FHIT: variants seen among roughly 807,000 people sequenced by gnomAD.
The protein encoded by FHIT is fragile histidine triad diadenosine triphosphatase.
In FHIT, 19 loss-of-function variants were observed where a neutral mutation model predicts 17.9. The observed-to-expected ratio is 1.06, with a 90% CI of 0.74 to 1.56. The LOEUF (loss-of-function observed/expected upper bound fraction) is 1.56, where lower values mean the gene tolerates loss of function less well. FHIT is among the 40% of genes most tolerant of loss of function. The pLI is 0.00. For synonymous variants in FHIT, 81 were observed against 69.7 expected, an observed-to-expected ratio of 1.16 and a Z score of -0.81; for missense variants, 248 against 189.2, an observed-to-expected ratio of 1.31 and a Z score of -1.82.
At position 60,213,803 on chromosome 3, in the gene FHIT, T is replaced by C. The variant is rs563710171; in HGVS notation, c.104-199651A>G. Among the ~76,000 whole-genome samples, 5 of 152,308 alleles carry C rather than the reference T, an allele frequency of 3.3e-5. No homozygotes were observed. In the East Asian group the frequency reaches 9.6e-4, roughly 29 times the overall value. On this transcript the variant is annotated intron_variant, in intron 5 of 9. Transcript: ENST00000492590. ...TGATTGTGATCACCTAATTAGCAGA[T>C]GAAAACTATTCAGAGTATCAGGAGC...
chr3:60,616,464 T>C lies in FHIT; in HGVS notation c.-17-79485A>G, dbSNP rs190608252. On this transcript the variant is annotated intron_variant, in intron 4 of 9. Coordinates refer to ENST00000492590, the MANE Select transcript of FHIT (RefSeq NM_002012.4). ...TTTAATTATACAAGTAATACACTTCTAGAACTAATAAGCAATCATAGCAAG... is the reference window on the plus strand; with the variant it reads ...TTTAATTATACAAGTAATACACTTCCAGAACTAATAAGCAATCATAGCAAG... Among the ~76,000 whole-genome samples, 57 of 152,346 alleles carry C rather than the reference T, an allele frequency of 3.7e-4. No homozygotes were observed. The East Asian group carries it at 8.5e-3, about 23-fold the overall frequency.
chr3:60,537,933 A>G (rs539742805), intron 4 of FHIT, among the ~76,000 whole-genome samples: 7 of 146,446 alleles, frequency 4.8e-5, no homozygotes, highest in Non-Finnish European at 1.0e-4. Context: ...GGATTACAAA[A>G]AGGATGAAAT....
intron 5 of FHIT, among the ~76,000 whole-genome samples, chr3:60,303,911 T>G (rs1259148152): frequency 6.6e-6 from 1 of 152,174 alleles, no homozygotes; most frequent in Non-Finnish European, 1.5e-5. Flanking sequence ...AGATTAATAG[T>G]AAGGAACACT....
intron 5 of FHIT, among the ~76,000 whole-genome samples, chr3:60,354,765 C>G (rs1699571958): frequency 6.6e-6 from 1 of 152,160 alleles, no homozygotes; most frequent in Admixed American, 6.6e-5. Context: ...TTCTGCTTAA[C>G]TCTACTAAAT....
chr3:60,098,422 A>G (rs1275783064), intron 5 of FHIT, among the ~76,000 whole-genome samples: 3 of 151,218 alleles, frequency 2.0e-5, no homozygotes, highest in Admixed American at 6.6e-5. Context: ...CTGGTGTGAC[A>G]TGGTATCTCA....
At chr3:60,546,864 AAT>A (rs1377739957) in intron 4 of FHIT, among the ~76,000 whole-genome samples, 1 of 151,956 alleles carries the variant, frequency 6.6e-6, no homozygotes, top group East Asian at 1.9e-4. Context: ...CTTAAATACT[AAT>A]AGTTTTCTCT....
intron 4 of FHIT, among the ~76,000 whole-genome samples, chr3:60,708,715 G>C (rs2041437845): frequency 6.6e-6 from 1 of 152,124 alleles, no homozygotes; most frequent in Non-Finnish European, 1.5e-5. Context: ...CCATCACTTT[G>C]CAATATATTT....
chr3:60,111,568 C>G (rs991596883), intron 5 of FHIT, among the ~76,000 whole-genome samples: 15 of 152,202 alleles, frequency 9.9e-5, no homozygotes, highest in African/African-American at 3.1e-4. Flanking sequence ...AAATACCTTT[C>G]ATTTATACTC....
chr3:60,918,125 G>A (rs373242399), intron 3 of FHIT, among the ~76,000 whole-genome samples: 53 of 152,274 alleles, frequency 3.5e-4, no homozygotes, highest in Non-Finnish European at 4.3e-4. Flanking sequence ...GTTCCCCTGC[G>A]CAAGCTCTCT....
At chr3:60,735,972 C>G (rs1243576160) in intron 4 of FHIT, among the ~76,000 whole-genome samples, 1 of 152,120 alleles carries the variant, frequency 6.6e-6, no homozygotes. Context: ...ATTGTTTCCT[C>G]ATTTCTAAAA....
chr3:59,759,424 G>A (rs368474957), intron 8 of FHIT, among the ~76,000 whole-genome samples: 8 of 152,160 alleles, frequency 5.3e-5, no homozygotes, highest in South Asian at 4.1e-4. Context: ...GCTAGTTAGC[G>A]TCATGGCCAC....
intron 4 of FHIT, among the ~76,000 whole-genome samples, chr3:60,786,599 T>C (rs1553727046): frequency 1.3e-5 from 2 of 152,252 alleles, no homozygotes; most frequent in African/African-American, 4.8e-5. Flanking sequence ...TGTAAAATGC[T>C]ATCACAGTCC....
intron 4 of FHIT, among the ~76,000 whole-genome samples, chr3:60,678,355 T>A (rs2040669581): frequency 6.6e-6 from 1 of 152,198 alleles, no homozygotes; most frequent in African/African-American, 2.4e-5. Flanking sequence ...AAAACTTTTT[T>A]CTGCTTAAAT....
At chr3:59,785,044 AAGAG>A (rs1208947260) in intron 8 of FHIT, among the ~76,000 whole-genome samples, 4 of 150,676 alleles carry the variant, frequency 2.7e-5, no homozygotes, top group African/African-American at 7.4e-5. Flanking sequence ...CCCGAGCAAC[AAGAG>A]AGAGAGAGGG....
intron 2 of FHIT, among the ~76,000 whole-genome samples, chr3:61,107,191 T>C (rs780798129): frequency 6.6e-5 from 10 of 152,182 alleles, no homozygotes; most frequent in Admixed American, 4.6e-4. Flanking sequence ...AGTTTGACTG[T>C]TTAAAATTTC....
chr3:60,777,474 T>A (rs2108087691), intron 4 of FHIT, among the ~76,000 whole-genome samples: 1 of 152,286 alleles, frequency 6.6e-6, no homozygotes, highest in East Asian at 1.9e-4. Context: ...GGAGACCAAA[T>A]TTTATTGTGC....
At chr3:61,249,573 G>A (rs899183473) in intron 1 of FHIT, among the ~76,000 whole-genome samples, 1 of 152,166 alleles carries the variant, frequency 6.6e-6, no homozygotes, top group African/African-American at 2.4e-5. Flanking sequence ...TACAGTCTCA[G>A]TCCTTTTATT....
intron 5 of FHIT, among the ~76,000 whole-genome samples, chr3:60,059,672 C>A (rs571942961): frequency 6.6e-6 from 1 of 152,194 alleles, no homozygotes; most frequent in East Asian, 1.9e-4. Context: ...TGCTGCAGGC[C>A]CATATCGATT....
chr3:60,727,122 A>T (rs1299951882), intron 4 of FHIT, among the ~76,000 whole-genome samples: 1 of 152,206 alleles, frequency 6.6e-6, no homozygotes, highest in Non-Finnish European at 1.5e-5. Flanking sequence ...ATCATTCTTA[A>T]ATAAAAACCA....
Sources: gnomAD v4.1 joint callset for allele counts (sites outside exome capture counted in the v4.1 genomes callset) on GRCh38, gnomAD v4.1.1 for gene constraint, MANE v1.5 for transcripts, NCBI Gene and HGNC (gene_info 2026-07-23, HGNC 2026-07-21) for gene names.